The following TRPV4 variants were observed in gnomAD, a reference collection of about 807,000 sequenced individuals.
TRPV4 encodes the protein OSM9-like transient receptor potential channel 4.
Under a neutral mutation model 84.1 loss-of-function variants are expected in TRPV4, and 58 were observed. The observed-to-expected ratio is 0.69, with a 90% CI of 0.56 to 0.86. The LOEUF is 0.86. TRPV4 is among the 40% of genes least tolerant of loss of function. The pLI, the probability that TRPV4 is intolerant of heterozygous loss-of-function variation, is 0.00. For synonymous variants in TRPV4, 489 were observed against 500.9 expected (o/e 0.98, Z 0.32); for missense variants, 879 against 1,181.1 (o/e 0.74, Z 3.75).
At chr12:109,788,963 C>CTT (rs754886330) in intron 12 of TRPV4, among the ~76,000 whole-genome samples, 19 of 152,286 alleles carry the variant, frequency 1.2e-4, no homozygotes, top group Non-Finnish European at 2.4e-4. Flanking sequence ...CTCTCTCTCT[C>CTT]TCTTTCTTTC....
chr12:109,784,628 G>A (rs374089285), intron 14 of TRPV4, among the ~76,000 whole-genome samples, 191 bp from the exon 15 acceptor site: 9 of 151,738 alleles, frequency 5.9e-5, no homozygotes, highest in Non-Finnish European at 1.0e-4. Context: ...TCAGGAGTTC[G>A]AGACCAGCCT....
Position 109,814,965 on chromosome 12 carries a change from CCACT to C in TRPV4, c.-31-142_-31-139del, listed in dbSNP as rs2136665401. ...TTGTAATGACAGGGGCACAGGGAGG[CCACT>C]CCCAGATGTGGTTGGCCGCCAGCCT... On this transcript the variant is annotated intron_variant, in intron 1 of 15. Coordinates refer to ENST00000261740, the MANE Select transcript of TRPV4 (RefSeq NM_021625.5). The surrounding 1 kb of genome is among the most constrained non-coding windows in gnomAD (Gnocchi z 5.4). 1.2e-6 allele frequency: 1 copy of C among 815,004 alleles called. No homozygotes were observed. Among genetic ancestry groups the C allele is most frequent in the Admixed American group, 2.8e-5 (1 of 35,832 alleles). The allele number at this position is 815,004 out of a possible 1,614,324, so 50.5% of individuals were successfully genotyped here. A position where few individuals can be genotyped will look rare whatever the true frequency, so the allele number is the denominator to read the frequency against.
Position 109,784,367 on chromosome 12 carries a change from C to T in TRPV4, c.2407G>A (p.Glu803Lys). 1 of 1,614,198 alleles carries T rather than the reference C, an allele frequency of 6.2e-7. No homozygotes were observed. The highest frequency in any genetic ancestry group is 8.5e-7 in the Non-Finnish European group (1 of 1,180,042). The change falls in exon 15 of 16, where the codon GAG becomes AAG. Residue 803 changes from glutamate to lysine, a missense_variant. Glu to Lys is a moderately conservative substitution (Grantham distance 56). Around this residue, in one of 4 missense-constraint regions of TRPV4, gnomAD observed 242 missense variants for 355.3 expected, o/e 0.68. Transcript: ENST00000261740. ...GIINEDPGKN[E>K]TYQYYGFSHT... Reference sequence around the variant, plus strand: ...GAGAAGCCATAATACTGGTAGGTCTCATTCTTGCCCGGGTCCTCGTTGATG... The same window carrying T: ...GAGAAGCCATAATACTGGTAGGTCTTATTCTTGCCCGGGTCCTCGTTGATG...
chr12:109,795,274 C>T (rs1288901240), intron 7 of TRPV4, among the ~76,000 whole-genome samples: 1 of 152,228 alleles, frequency 6.6e-6, no homozygotes, highest in Non-Finnish European at 1.5e-5. Flanking sequence ...TGTATTCATA[C>T]AGTTCCCTGG....
intron 1 of TRPV4, among the ~76,000 whole-genome samples, chr12:109,818,197 A>G (rs2136684211): frequency 6.6e-6 from 1 of 152,240 alleles, no homozygotes; most frequent in Non-Finnish European, 1.5e-5. Flanking sequence ...CTCACCCTCA[A>G]ATAGATTGAC....
rs58560756 is a variant in TRPV4 at position 109,832,274 on chromosome 12, C to T, written c.-32+1076G>A. On this transcript the variant is annotated intron_variant, in intron 1 of 15. Coordinates refer to ENST00000261740, the MANE Select transcript of TRPV4 (RefSeq NM_021625.5). ...TTTCTACCCTTGTTCCCCCAAAAGC[C>T]CACCTCGTCACCCTCCTCAGGAGCC... is the stretch of plus-strand genomic sequence containing the variant. 1,057 of 152,570 alleles carry T rather than the reference C, an allele frequency of 6.9e-3. 18 individuals are homozygous for T. Among genetic ancestry groups the T allele is most frequent in the African/African-American group, 0.024 (1,016 of 41,568 alleles). The allele number at this position is 152,570 out of a possible 1,614,324, so 9.5% of individuals were successfully genotyped here. A position where few individuals can be genotyped will look rare whatever the true frequency, so the allele number is the denominator to read the frequency against.
chr12:109,797,716 T>G lies in TRPV4; in HGVS notation c.1152+898A>C, dbSNP rs572621438. On this transcript the variant is annotated intron_variant, in intron 6 of 15. Coordinates refer to ENST00000261740, the MANE Select transcript of TRPV4 (RefSeq NM_021625.5). Reference sequence around the variant, plus strand: ...GCTACATTTTTTTTTATTTTGGTTTTTATTTATTTGGGATCTCAAATAATC... The same window carrying G: ...GCTACATTTTTTTTTATTTTGGTTTGTATTTATTTGGGATCTCAAATAATC... Among the ~76,000 whole-genome samples, 526 of 152,272 alleles carry G rather than the reference T, an allele frequency of 3.5e-3. 2 individuals are homozygous for G. The highest frequency in any genetic ancestry group is 5.9e-3 in the Non-Finnish European group (404 of 68,028).
intron 1 of TRPV4, among the ~76,000 whole-genome samples, chr12:109,821,869 CCA>C (rs1340854053): frequency 6.6e-6 from 1 of 152,124 alleles, no homozygotes; most frequent in Non-Finnish European, 1.5e-5. Context: ...CTCTTCACCT[CCA>C]GAGTTTTAGT....
chr12:109,817,001 T>G (rs1363143487), intron 1 of TRPV4, among the ~76,000 whole-genome samples: 1 of 152,188 alleles, frequency 6.6e-6, no homozygotes, highest in Non-Finnish European at 1.5e-5. Context: ...CCTGTAAGAC[T>G]GGAGTGACCA....
chr12:109,788,279 G>A (rs925450767), intron 13 of TRPV4, 121 bp downstream of exon 13: 10 of 959,094 alleles, frequency 1.0e-5, no homozygotes, highest in South Asian at 9.4e-5. Context: ...ACAGAGAAGT[G>A]GAGGGAGAAT....
rs564738965 is a variant in TRPV4 at position 109,798,520 on chromosome 12, C to T, written c.1152+94G>A. On this transcript the variant is annotated intron_variant, in intron 6 of 15. Transcript: ENST00000261740. The surrounding 1 kb of genome is among the most constrained non-coding windows in gnomAD (Gnocchi z 5.0). Reference sequence around the variant, plus strand: ...GTTGGCATGTTGGGAGGTGCATGCACGTATTAATAATGAATACCAGCAGCA... The same window carrying T: ...GTTGGCATGTTGGGAGGTGCATGCATGTATTAATAATGAATACCAGCAGCA... 9.9e-5 allele frequency: 147 copies of T among 1,482,382 alleles called. 1 individual carries two copies. The African/African-American group carries it at 1.6e-3, about 16-fold the overall frequency. The allele number at this position is 1,482,382 out of a possible 1,614,324, so 91.8% of individuals were successfully genotyped here. A position where few individuals can be genotyped will look rare whatever the true frequency, so the allele number is the denominator to read the frequency against.
rs1890559517 is a variant in TRPV4, at chr12:109,798,549, C to A, written c.1152+65G>T. ...TTAATAATGAATACCAGCAGCAGACCCTCGTGTGTGTGTGCAGAGGGGTAC... is the reference window on the plus strand; with the variant it reads ...TTAATAATGAATACCAGCAGCAGACACTCGTGTGTGTGTGCAGAGGGGTAC... On this transcript the variant is annotated intron_variant, in intron 6 of 15. Coordinates refer to ENST00000261740, the MANE Select transcript of TRPV4 (RefSeq NM_021625.5). The surrounding 1 kb of genome is among the most constrained non-coding windows in gnomAD (Gnocchi z 5.0). The A allele has an allele frequency of 7.6e-6, 12 of 1,583,576 alleles. No individual in the cohort carries two copies. Among genetic ancestry groups the A allele is most frequent in the Non-Finnish European group, 1.0e-5 (12 of 1,165,122 alleles).
At chr12:109,828,938 A>G (rs1892339783) in intron 1 of TRPV4, among the ~76,000 whole-genome samples, 3 of 152,200 alleles carry the variant, frequency 2.0e-5, no homozygotes, top group Non-Finnish European at 4.4e-5. Context: ...TAATCTGAGC[A>G]CTTTGGGAGG....
rs149742074 is a variant in TRPV4 at position 109,792,748 on chromosome 12, G to A, written c.1728C>T (p.Ala576=). Residue 576 remains alanine, a synonymous_variant, in exon 11 of 16, where the codon GCC becomes GCT. Coordinates refer to ENST00000261740, the MANE Select transcript of TRPV4 (RefSeq NM_021625.5). The part of the protein sequence containing the change: ...LYLAGIEAYL[A]VMVFALVLGW... ...CCAGGACCAGGGCAAAGACCATCACGGCCAGGTAGGCCTCGATCCCTGCCA... is the reference window on the plus strand; with the variant it reads ...CCAGGACCAGGGCAAAGACCATCACAGCCAGGTAGGCCTCGATCCCTGCCA... 34 of 1,614,088 alleles carry A rather than the reference G, an allele frequency of 2.1e-5. No homozygotes were observed. Among genetic ancestry groups the A allele is most frequent in the Admixed American group, 1.3e-4 (8 of 60,014 alleles).
chr12:109,815,511 G>A lies in TRPV4; in HGVS notation c.-31-684C>T, dbSNP rs1891803514. Among the ~76,000 whole-genome samples the A allele has an allele frequency of 6.6e-6, 1 of 152,188 alleles. No homozygotes were observed. Among genetic ancestry groups the A allele is most frequent in the South Asian group, 2.1e-4 (1 of 4,830 alleles). On this transcript the variant is annotated intron_variant, in intron 1 of 15. Transcript: ENST00000261740. This position sits in a 1 kb window ranked among gnomAD's most constrained non-coding sequence, Gnocchi z 4.1. ...CAATACTTGAGTTGACTTCCCCAGTGCACAAACTCTGCTCCCCAGTGCAAA... is the reference window on the plus strand; with the variant it reads ...CAATACTTGAGTTGACTTCCCCAGTACACAAACTCTGCTCCCCAGTGCAAA...
At chr12:109,791,046 C>T (rs1889992491) in intron 12 of TRPV4, among the ~76,000 whole-genome samples, 1 of 152,188 alleles carries the variant, frequency 6.6e-6, no homozygotes, top group Non-Finnish European at 1.5e-5. Flanking sequence ...CCAAACCTGG[C>T]CCAGGGCAGC....
intron 4 of TRPV4, among the ~76,000 whole-genome samples, chr12:109,802,609 A>C (rs1277731252): frequency 3.6e-5 from 3 of 84,194 alleles, no homozygotes; most frequent in South Asian, 1.4e-3. Context: ...GCCTTCTTTT[A>C]TTTTATTTTT....
At chr12:109,809,927 C>T (rs1448301602) in intron 2 of TRPV4, among the ~76,000 whole-genome samples, 1 of 152,200 alleles carries the variant, frequency 6.6e-6, no homozygotes, top group Non-Finnish European at 1.5e-5. Context: ...GGTAAACATT[C>T]AATAAATGTT....
At chr12:109,784,987 T>G (rs1889600188) in intron 14 of TRPV4, among the ~76,000 whole-genome samples, 1 of 151,894 alleles carries the variant, frequency 6.6e-6, no homozygotes, top group Non-Finnish European at 1.5e-5. Flanking sequence ...GCTATCTATT[T>G]CCAAAATTCT....
Sources: gnomAD v4.1 joint callset for allele counts (sites outside exome capture counted in the v4.1 genomes callset) on GRCh38, gnomAD v4.1.1 for gene constraint, gnomAD v4.1.1 regional missense constraint, Gnocchi (gnomAD v3.1) non-coding constraint, MANE v1.5 for transcripts, NCBI Gene and HGNC (gene_info 2026-07-23, HGNC 2026-07-21) for gene names.